The following CNTNAP2 variants were observed in gnomAD, a reference collection of about 807,000 sequenced individuals.
CNTNAP2 encodes the protein contactin-associated protein-like 2.
A neutral mutation model predicts 155.2 loss-of-function variants in CNTNAP2; 98 were observed. The ratio of observed to expected loss-of-function variants is 0.63; its 90% CI spans 0.54 to 0.75. The LOEUF (loss-of-function observed/expected upper bound fraction) is 0.75, where lower values mean the gene tolerates loss of function less well. Ranked by LOEUF, CNTNAP2 falls within the 30% of genes least tolerant of loss-of-function variation. The pLI, the probability that CNTNAP2 is intolerant of heterozygous loss-of-function variation, is 0.00. For missense variants in CNTNAP2, 1,727 were observed against 1,688.1 expected, an observed-to-expected ratio of 1.02 and a Z score of -0.40; for synonymous variants, 651 against 631.2, an observed-to-expected ratio of 1.03 and a Z score of -0.47.
chr7:146,270,267 A>T (rs963928891), intron 1 of CNTNAP2, among the ~76,000 whole-genome samples: 2 of 152,198 alleles, frequency 1.3e-5, no homozygotes, highest in Non-Finnish European at 2.9e-5. Flanking sequence ...CTCCATATTC[A>T]ACCATTAATG....
At chr7:147,161,194 ATC>A (rs1802016883) in intron 8 of CNTNAP2, among the ~76,000 whole-genome samples, 1 of 152,092 alleles carries the variant, frequency 6.6e-6, no homozygotes, top group Non-Finnish European at 1.5e-5. Flanking sequence ...AGAAAAAGAA[ATC>A]TCTATGGGGA....
intron 11 of CNTNAP2, among the ~76,000 whole-genome samples, chr7:147,508,338 C>A (rs1002623056): frequency 1.3e-5 from 2 of 152,104 alleles, no homozygotes; most frequent in Non-Finnish European, 2.9e-5. Flanking sequence ...CTTTAGCAAC[C>A]CAGCCACTGA....
At chr7:148,412,608 C>T (rs1217035428) in intron 23 of CNTNAP2, among the ~76,000 whole-genome samples, 2 of 152,136 alleles carry the variant, frequency 1.3e-5, no homozygotes, top group East Asian at 1.9e-4. Flanking sequence ...TTGTATATTC[C>T]TCAGAATTGT....
chr7:147,026,262 A>G (rs902052437), intron 3 of CNTNAP2, among the ~76,000 whole-genome samples: 20 of 152,252 alleles, frequency 1.3e-4, no homozygotes, highest in African/African-American at 4.8e-4. Flanking sequence ...ATTATAATGC[A>G]CAGGTGTTTG....
At chr7:148,179,041 G>A (rs1794990234) in intron 18 of CNTNAP2, among the ~76,000 whole-genome samples, 1 of 152,344 alleles carries the variant, frequency 6.6e-6, no homozygotes, top group African/African-American at 2.4e-5. Flanking sequence ...CTGAAGGGCT[G>A]AGAAGTATGC....
intron 10 of CNTNAP2, among the ~76,000 whole-genome samples, chr7:147,451,482 A>G (rs1421312855): frequency 6.6e-6 from 1 of 152,138 alleles, no homozygotes; most frequent in African/African-American, 2.4e-5. Context: ...TCTTTAATTC[A>G]AACTCCCTCC....
chr7:147,142,264 T>C (rs766133404), intron 8 of CNTNAP2, among the ~76,000 whole-genome samples: 15 of 152,206 alleles, frequency 9.9e-5, no homozygotes, highest in Non-Finnish European at 1.9e-4. Flanking sequence ...ACCTAATTTA[T>C]TGAGAGTTTT....
At chr7:147,193,952 GTTT>G (rs754518034) in intron 8 of CNTNAP2, among the ~76,000 whole-genome samples, 1 of 142,292 alleles carries the variant, frequency 7.0e-6, no homozygotes. Flanking sequence ...ATCTTAGATT[GTTT>G]TTTTTTTCTT....
chr7:147,449,347 G>A lies in CNTNAP2; in HGVS notation c.1671-36588G>A, dbSNP rs534569006. Among the ~76,000 whole-genome samples the A allele has an allele frequency of 5.3e-5, 8 of 152,228 alleles. No homozygotes were observed. In the East Asian group the frequency reaches 1.4e-3, roughly 26 times the overall value. On this transcript the variant is annotated intron_variant, in intron 10 of 23. Transcript: ENST00000361727. ...ATTCCTCAGAATGGCTACAAGCAACGTTCTCATCTAGTGTGGGGCCTCACT... is the reference window on the plus strand; with the variant it reads ...ATTCCTCAGAATGGCTACAAGCAACATTCTCATCTAGTGTGGGGCCTCACT...
intron 12 of CNTNAP2, among the ~76,000 whole-genome samples, chr7:147,620,662 T>C (rs542786602): frequency 3.9e-5 from 6 of 152,034 alleles, no homozygotes; most frequent in African/African-American, 1.4e-4. Context: ...TTAGTAAGCT[T>C]GAAGACAGGT....
intron 1 of CNTNAP2, among the ~76,000 whole-genome samples, chr7:146,637,811 T>C (rs533727667): frequency 1.3e-5 from 2 of 152,292 alleles, no homozygotes; most frequent in African/African-American, 4.8e-5. Flanking sequence ...AATACTAAGA[T>C]ATGGGAAAAA....
At chr7:146,936,928 G>C (rs536953683) in intron 3 of CNTNAP2, among the ~76,000 whole-genome samples, 1 of 152,114 alleles carries the variant, frequency 6.6e-6, no homozygotes, top group Non-Finnish European at 1.5e-5. Flanking sequence ...AGGTTTCATT[G>C]CTTCACTAAA....
At position 148,120,416 on chromosome 7, in the gene CNTNAP2, G is replaced by C. The variant is rs551800529; in HGVS notation, c.2554+2128G>C. Among the ~76,000 whole-genome samples, 339 of 151,996 alleles carry C rather than the reference G, an allele frequency of 2.2e-3. 2 individuals are homozygous for C. Among genetic ancestry groups the C allele is most frequent in the Non-Finnish European group, 3.5e-3 (238 of 67,970 alleles). ...CAAGTAGCTGGGACTACAGGTGCGT[G>C]GCACTGCACCTGGCTAATTGTTGTG... On this transcript the variant is annotated intron_variant, in intron 16 of 23. Transcript: ENST00000361727.
At chr7:147,570,826 T>G (rs934629488) in intron 12 of CNTNAP2, among the ~76,000 whole-genome samples, 1 of 152,226 alleles carries the variant, frequency 6.6e-6, no homozygotes, top group Non-Finnish European at 1.5e-5. Flanking sequence ...TGTATGTGTA[T>G]GTGCACACAC....
At chr7:146,250,000 C>T (rs1799730428) in intron 1 of CNTNAP2, among the ~76,000 whole-genome samples, 1 of 152,008 alleles carries the variant, frequency 6.6e-6, no homozygotes, top group South Asian at 2.1e-4. Context: ...AAATTCCTGC[C>T]CGTCTTTTTC....
chr7:147,320,178 G>C (rs1795323040), intron 9 of CNTNAP2, among the ~76,000 whole-genome samples: 1 of 152,136 alleles, frequency 6.6e-6, no homozygotes, highest in African/African-American at 2.4e-5. Flanking sequence ...ATTCCATACA[G>C]CAGGAAGAAA....
At chr7:146,164,230 A>G (rs17402725) in intron 1 of CNTNAP2, among the ~76,000 whole-genome samples, 8,117 of 151,814 alleles carry the variant, frequency 0.053, 254 homozygotes, top group Middle Eastern at 0.11. Flanking sequence ...CATTTGCCCT[A>G]TTAAATATGT....
intron 16 of CNTNAP2, among the ~76,000 whole-genome samples, chr7:148,144,505 T>C (rs1379628949): frequency 6.6e-6 from 1 of 152,216 alleles, no homozygotes; most frequent in Non-Finnish European, 1.5e-5. Flanking sequence ...AGGAGTTTCA[T>C]GTCTTCTGCC....
At chr7:146,404,142 A>C (rs1428236443) in intron 1 of CNTNAP2, among the ~76,000 whole-genome samples, 2 of 147,992 alleles carry the variant, frequency 1.4e-5, no homozygotes, top group Non-Finnish European at 3.0e-5. Context: ...AAAAAAAAAA[A>C]CAAAGAACTT....
Sources: allele counts gnomAD v4.1 joint callset (sites outside exome capture counted in the v4.1 genomes callset), GRCh38; gene constraint gnomAD v4.1.1; transcripts MANE v1.5; gene names NCBI Gene and HGNC (gene_info 2026-07-23, HGNC 2026-07-21).